SIPA1L1: variants seen among roughly 807,000 people sequenced by gnomAD.
The protein encoded by SIPA1L1 is signal-induced proliferation-associated 1-like protein 1.
In SIPA1L1, 26 loss-of-function variants were observed where a neutral mutation model predicts 162.7. The observed-to-expected ratio is 0.16, with a 90% confidence interval of 0.12 to 0.22. The LOEUF (loss-of-function observed/expected upper bound fraction) is 0.22, where lower values mean the gene tolerates loss of function less well. SIPA1L1 is among the 10% of genes least tolerant of loss of function. The probability of loss-of-function intolerance (pLI) is 1.00; values close to 1 mark genes in which losing one functional copy is unlikely to be tolerated. For synonymous variants in SIPA1L1, 829 were observed against 837.4 expected (o/e 0.99, Z 0.17); for missense variants, 1,874 against 2,241.0 (o/e 0.84, Z 3.31).
intron 2 of SIPA1L1, among the ~76,000 whole-genome samples, chr14:71,505,632 TA>T (rs1276961918): frequency 2.6e-5 from 4 of 152,172 alleles, no homozygotes; most frequent in Non-Finnish European, 1.5e-5. Flanking sequence ...ATTCTTTACC[TA>T]GTGTACTTTT....
At chr14:71,538,909 GT>G (rs2054135009) in intron 4 of SIPA1L1, among the ~76,000 whole-genome samples, 1 of 152,174 alleles carries the variant, frequency 6.6e-6, no homozygotes, top group Non-Finnish European at 1.5e-5. Flanking sequence ...TTGTTTGTTT[GT>G]TTTGATGGTG....
chr14:71,737,401 C>T (rs1566770409), intron 22 of SIPA1L1, among the ~76,000 whole-genome samples: 2 of 151,982 alleles, frequency 1.3e-5, no homozygotes, highest in African/African-American at 4.8e-5. Context: ...TGTGGTGTGC[C>T]CCTGAGGATG....
Position 71,697,926 on chromosome 14 carries a change from T to TA in SIPA1L1, c.3375-1048dup, listed in dbSNP as rs1273600428. On this transcript the variant is annotated intron_variant, in intron 13 of 23. Transcript: ENST00000381232. ...GCAAACCCATTATAAACTGTCTTATTAAAAAAACAAAAAAAAAACCACAGA... is the reference window on the plus strand; with the variant it reads ...GCAAACCCATTATAAACTGTCTTATTAAAAAAAACAAAAAAAAAACCACAGA... Among the ~76,000 whole-genome samples the TA allele has an allele frequency of 4.4e-4, 59 of 134,554 alleles. 1 individual carries two copies. The East Asian group carries it at 9.2e-3, about 21-fold the overall frequency. The allele number at this position is 134,554 out of a possible 152,430, so 88.3% of individuals were successfully genotyped here. A position where few individuals can be genotyped will look rare whatever the true frequency, so the allele number is the denominator to read the frequency against.
At chr14:71,701,707 G>C (rs1039248376) in intron 14 of SIPA1L1, among the ~76,000 whole-genome samples, 1 of 152,088 alleles carries the variant, frequency 6.6e-6, no homozygotes, top group Non-Finnish European at 1.5e-5. Flanking sequence ...ATTTTACAAA[G>C]GGAAAAATAA....
At chr14:71,327,795 A>C (rs2034013754) in intron 2 of SIPA1L1, among the ~76,000 whole-genome samples, 4 of 152,182 alleles carry the variant, frequency 2.6e-5, no homozygotes, top group Admixed American at 2.6e-4. Context: ...GCTCCACTGA[A>C]GACCTCAGAA....
intron 2 of SIPA1L1, among the ~76,000 whole-genome samples, chr14:71,423,120 T>A (rs1442137950): frequency 6.6e-6 from 1 of 152,208 alleles, no homozygotes; most frequent in African/African-American, 2.4e-5. Flanking sequence ...TTTAATATCT[T>A]TTTTGGAGAA....
intron 4 of SIPA1L1, among the ~76,000 whole-genome samples, chr14:71,532,805 G>T (rs2053561194): frequency 6.6e-6 from 1 of 152,196 alleles, no homozygotes; most frequent in Admixed American, 6.5e-5. Flanking sequence ...AAGCAGTTCT[G>T]ATCTCATGGG....
At chr14:71,390,623 G>C (rs1304865381) in intron 2 of SIPA1L1, among the ~76,000 whole-genome samples, 2 of 151,802 alleles carry the variant, frequency 1.3e-5, no homozygotes, top group East Asian at 3.9e-4. Context: ...ACCAAAAAAA[G>C]AAGAAAAAAA....
At chr14:71,441,766 G>C (rs1422868473) in intron 2 of SIPA1L1, among the ~76,000 whole-genome samples, 2 of 152,224 alleles carry the variant, frequency 1.3e-5, no homozygotes, top group East Asian at 3.9e-4. Flanking sequence ...TAGTTCCGTA[G>C]GTTTTAGTTA....
chr14:71,680,140 C>T (rs1000306425), intron 12 of SIPA1L1, among the ~76,000 whole-genome samples: 1 of 152,158 alleles, frequency 6.6e-6, no homozygotes, highest in Non-Finnish European at 1.5e-5. Flanking sequence ...TCAGCACCAC[C>T]TTGCACTTAT....
chr14:71,509,439 C>T (rs986935078), intron 2 of SIPA1L1, among the ~76,000 whole-genome samples: 1 of 152,058 alleles, frequency 6.6e-6, no homozygotes, highest in East Asian at 1.9e-4. Context: ...TGTAAGGTAG[C>T]ATGAGCAATA....
At chr14:71,511,538 T>C (rs897963587) in intron 2 of SIPA1L1, among the ~76,000 whole-genome samples, 1 of 152,082 alleles carries the variant, frequency 6.6e-6, no homozygotes, top group African/African-American at 2.4e-5. Flanking sequence ...ATGTGCCCAC[T>C]TTTACATCCC....
chr14:71,627,791 T>TAAAA (rs1215069192), intron 7 of SIPA1L1, among the ~76,000 whole-genome samples: 1 of 152,224 alleles, frequency 6.6e-6, no homozygotes, highest in Admixed American at 6.5e-5. Flanking sequence ...CTGTTTTTCT[T>TAAAA]ACCTGTCATC....
chr14:71,523,941 C>T (rs1418510974), intron 3 of SIPA1L1, among the ~76,000 whole-genome samples: 1 of 152,166 alleles, frequency 6.6e-6, no homozygotes, highest in African/African-American at 2.4e-5. Context: ...CTGATATTTT[C>T]CCTGTCTCAG....
intron 7 of SIPA1L1, among the ~76,000 whole-genome samples, chr14:71,633,921 T>C (rs1567358975): frequency 6.6e-6 from 1 of 152,084 alleles, no homozygotes; most frequent in Admixed American, 6.6e-5. Flanking sequence ...CAAAGAAATA[T>C]TTGGTAAGAA....
At chr14:71,620,015 A>G (rs1193048224) in intron 6 of SIPA1L1, among the ~76,000 whole-genome samples, 2 of 152,164 alleles carry the variant, frequency 1.3e-5, no homozygotes, top group Non-Finnish European at 2.9e-5. Context: ...TGTGTTTTGG[A>G]CTTGTATGCA....
chr14:71,431,309 G>A (rs932657310), intron 2 of SIPA1L1, among the ~76,000 whole-genome samples: 6 of 152,126 alleles, frequency 3.9e-5, no homozygotes, highest in African/African-American at 1.4e-4. Flanking sequence ...ACTATGAAAA[G>A]AGGCAAATAA....
At chr14:71,466,263 C>G (rs186158901) in intron 2 of SIPA1L1, among the ~76,000 whole-genome samples, 1 of 152,284 alleles carries the variant, frequency 6.6e-6, no homozygotes, top group East Asian at 1.9e-4. Flanking sequence ...TATGATTAAA[C>G]CCATTCCTAC....
intron 5 of SIPA1L1, among the ~76,000 whole-genome samples, chr14:71,605,949 T>A (rs1347681243): frequency 6.6e-6 from 1 of 152,142 alleles, no homozygotes; most frequent in Non-Finnish European, 1.5e-5. Flanking sequence ...GTGATAGCAG[T>A]AACAGTAGTG....
Sources: allele counts gnomAD v4.1 joint callset (sites outside exome capture counted in the v4.1 genomes callset), GRCh38; gene constraint gnomAD v4.1.1; transcripts MANE v1.5; gene names NCBI Gene and HGNC (gene_info 2026-07-23, HGNC 2026-07-21).